The following MYL9 variants were observed in gnomAD, a reference collection of about 807,000 sequenced individuals.
The protein encoded by MYL9 is myosin light chain 9.
In MYL9, 7 loss-of-function variants were observed where a neutral mutation model predicts 12.8. The observed-to-expected ratio is 0.55, with a 90% CI of 0.31 to 1.03. The LOEUF is 1.03. MYL9 is among the 50% of genes least tolerant of loss of function. MYL9 has a pLI of 0.05. For synonymous variants in MYL9, 81 were observed against 87.8 expected (o/e 0.92, Z 0.43); for missense variants, 190 against 242.7 (o/e 0.78, Z 1.44).
chr20:36,545,738 G>T lies in MYL9; in HGVS notation c.184+670G>T, dbSNP rs563834337. 2.0e-5 allele frequency among the ~76,000 whole-genome samples: 3 copies of T among 151,996 alleles called. 1 individual carries two copies. The South Asian group carries it at 6.2e-4, about 32-fold the overall frequency. ...GAGGTCAGAAGATCGAGATCATCCT[G>T]GCTAACATGGTGAAACCCCGTCTCT... On this transcript the variant is annotated intron_variant, in intron 2 of 3. Coordinates refer to ENST00000279022, the MANE Select transcript of MYL9 (RefSeq NM_006097.5).
Position 36,544,897 on chromosome 20 carries a change from C to G in MYL9, c.13C>G (p.Arg5Gly). Reference sequence around the variant, plus strand: ...ACCAGAAGCCAAGATGTCCAGCAAGCGGGCCAAAGCCAAGACCACCAAGAA... The same window carrying G: ...ACCAGAAGCCAAGATGTCCAGCAAGGGGGCCAAAGCCAAGACCACCAAGAA... MSSK[R>G]AKAKTTKKRP... is the part of the protein sequence containing the mutation. The change falls in exon 2 of 4, where the codon CGG becomes GGG. Residue 5 changes from arginine to glycine, a missense_variant. Arg to Gly is a moderately radical substitution (Grantham distance 125). Transcript: ENST00000279022. 1 of 1,612,280 alleles carries G rather than the reference C, an allele frequency of 6.2e-7. No individual in the cohort carries two copies. Among genetic ancestry groups the G allele is most frequent in the Non-Finnish European group, 8.5e-7 (1 of 1,179,070 alleles).
chr20:36,549,421 C>G lies in MYL9; in HGVS notation c.*172C>G, dbSNP rs1215542018. 4 of 627,520 alleles carry G rather than the reference C, an allele frequency of 6.4e-6. No homozygotes were observed. In the African/African-American group the frequency reaches 7.4e-5, roughly 12 times the overall value. 38.9% of individuals were successfully genotyped at this position (627,520 alleles called of 1,614,324 possible). ...AGGAGAAGTGCGTGCCGAGCTGAGG[C>G]AGATGTTCCCACAGTGACCCCAGAG... On this transcript the variant is annotated 3_prime_UTR_variant, in exon 4 of 4. Transcript: ENST00000279022.
chr20:36,548,721 A>C (rs2038133064), intron 3 of MYL9, among the ~76,000 whole-genome samples: 1 of 152,154 alleles, frequency 6.6e-6, no homozygotes, highest in African/African-American at 2.4e-5. Context: ...GGAGAATGGG[A>C]ATCAGCACTG....
chr20:36,544,256 G>A (rs995614742), intron 1 of MYL9, among the ~76,000 whole-genome samples: 6 of 152,136 alleles, frequency 3.9e-5, no homozygotes, highest in African/African-American at 7.2e-5. Context: ...GTGGACAGGC[G>A]GGGGTTTGAC....
At chr20:36,543,724 G>A (rs770940212) in intron 1 of MYL9, among the ~76,000 whole-genome samples, 9 of 152,222 alleles carry the variant, frequency 5.9e-5, no homozygotes, top group Non-Finnish European at 1.2e-4. Context: ...GGGGATCTAT[G>A]CTGGCCCACA....
chr20:36,544,402 CCTCA>C (rs1417592189), intron 1 of MYL9, among the ~76,000 whole-genome samples: 1 of 152,098 alleles, frequency 6.6e-6, no homozygotes, highest in African/African-American at 2.4e-5. Context: ...CCAGGAGAGC[CCTCA>C]CTGACTCCCA....
At chr20:36,547,947 C>A in intron 2 of MYL9, 85 bp from the exon 3 acceptor site, 1 of 1,440,748 alleles carries the variant, frequency 6.9e-7, no homozygotes, top group Admixed American at 2.4e-5. Context: ...CGGTGAAGGG[C>A]AGGGGTGGGG....
At position 36,549,111 on chromosome 20, in the gene MYL9, C is replaced by T; in HGVS notation, c.381C>T (p.Leu127=). 2 of 1,613,508 alleles carry T rather than the reference C, an allele frequency of 1.2e-6. No homozygotes were observed. Among genetic ancestry groups the T allele is most frequent in the Non-Finnish European group, 1.7e-6 (2 of 1,179,948 alleles). The change falls in exon 4 of 4, where the codon CTC becomes CTT. Residue 127 remains leucine (L), a synonymous_variant. Coordinates refer to ENST00000279022, the MANE Select transcript of MYL9 (RefSeq NM_006097.5). ...FIHEDHLREL[L]TTMGDRFTDE... ...ATGAGGACCACCTCCGGGAGCTGCT[C>T]ACCACCATGGGTGACCGCTTCACAG...
intron 3 of MYL9, 106 bp downstream of exon 3, chr20:36,548,299 TTC>T (rs1401187305): frequency 7.1e-7 from 1 of 1,407,900 alleles, no homozygotes; most frequent in East Asian, 2.5e-5. Context: ...ATCTCCCAGG[TTC>T]TGTCACCAGA....
intron 2 of MYL9, among the ~76,000 whole-genome samples, chr20:36,546,148 T>C (rs557601357): frequency 6.6e-6 from 1 of 152,254 alleles, no homozygotes; most frequent in South Asian, 2.1e-4. Flanking sequence ...AATTCTCTAC[T>C]GCAGATGGGG....
rs2147900900 is a variant in MYL9 at position 36,550,843 on chromosome 20, C to G, written c.*1594C>G. The stretch of plus-strand genomic sequence containing the variant: ...ATAGTATCCCAAACTCAGTCCCAAA[C>G]ACATTCTCACCCCCGGCAGCAGGCT... On this transcript the variant is annotated 3_prime_UTR_variant, in exon 4 of 4. Transcript: ENST00000279022. The G allele has an allele frequency of 6.5e-6, 1 of 152,824 alleles. No individual in the cohort carries two copies. Among genetic ancestry groups the G allele is most frequent in the Non-Finnish European group, 1.5e-5 (1 of 68,468 alleles). The allele number at this position is 152,824 out of a possible 1,614,324, so 9.5% of individuals were successfully genotyped here. A position where few individuals can be genotyped will look rare whatever the true frequency, so the allele number is the denominator to read the frequency against.
At chr20:36,544,420 G>A (rs1036679036) in intron 1 of MYL9, among the ~76,000 whole-genome samples, 3 of 152,172 alleles carry the variant, frequency 2.0e-5, no homozygotes, top group African/African-American at 7.2e-5. Flanking sequence ...ACTCCCACGA[G>A]TGGACCCACC....
intron 2 of MYL9, among the ~76,000 whole-genome samples, chr20:36,546,201 A>G (rs998977125): frequency 6.6e-6 from 1 of 152,178 alleles, no homozygotes; most frequent in Non-Finnish European, 1.5e-5. Flanking sequence ...CCATGCCCCA[A>G]CCCACGGGCC....
chr20:36,549,592 A>G lies in MYL9; in HGVS notation c.*343A>G. On this transcript the variant is annotated 3_prime_UTR_variant, in exon 4 of 4. Coordinates refer to ENST00000279022, the MANE Select transcript of MYL9 (RefSeq NM_006097.5). The stretch of plus-strand genomic sequence containing the variant: ...AGGGAAGGGGCTCTGTGTGCCCCCC[A>G]GGAGGAAGAGGCCCTGAGTCCTGGG... The G allele has an allele frequency of 4.4e-6, 1 of 229,496 alleles. No homozygotes were observed. Among genetic ancestry groups the G allele is most frequent in the Non-Finnish European group, 8.7e-6 (1 of 115,028 alleles). 14.2% of individuals were successfully genotyped at this position (229,496 alleles called of 1,614,324 possible).
chr20:36,542,564 A>G (rs538408724), intron 1 of MYL9, among the ~76,000 whole-genome samples: 33 of 151,996 alleles, frequency 2.2e-4, no homozygotes, highest in African/African-American at 7.5e-4. Flanking sequence ...GGATACACAG[A>G]GCCCTTTCCC....
Position 36,548,297 on chromosome 20 carries a change from G to A in MYL9, c.346+104G>A. Reference sequence around the variant, plus strand: ...CAGAACAGACATCACCCATCTCCCAGGTTCTGTCACCAGAACTATAAAAGC... The same window carrying A: ...CAGAACAGACATCACCCATCTCCCAAGTTCTGTCACCAGAACTATAAAAGC... On this transcript the variant is annotated intron_variant, in intron 3 of 3. Transcript: ENST00000279022. 4 of 1,412,866 alleles carry A rather than the reference G, an allele frequency of 2.8e-6. No individual in the cohort carries two copies. The East Asian group carries it at 7.6e-5, about 27-fold the overall frequency. 87.5% of individuals were successfully genotyped at this position (1,412,866 alleles called of 1,614,324 possible). A position where few individuals can be genotyped will look rare whatever the true frequency, so the allele number is the denominator to read the frequency against.
chr20:36,546,696 G>A (rs2038104772), intron 2 of MYL9, among the ~76,000 whole-genome samples: 1 of 150,780 alleles, frequency 6.6e-6, no homozygotes, highest in African/African-American at 2.4e-5. Context: ...TGCAACCTCC[G>A]TCTCCCAGGT....
chr20:36,545,165 C>T (rs1188563871), intron 2 of MYL9, 97 bp downstream of exon 2: 1 of 1,365,432 alleles, frequency 7.3e-7, no homozygotes, highest in Non-Finnish European at 1.0e-6. Context: ...CGCGTGGTGT[C>T]CACCTTAGAG....
In MYL9 at chr20:36,549,478, A is replaced by C. The variant is rs1244277658; in HGVS notation, c.*229A>C. 2.1e-6 allele frequency: 1 copy of C among 485,426 alleles called. No individual in the cohort carries two copies. The highest frequency in any genetic ancestry group is 1.9e-5 in the African/African-American group (1 of 51,438). The allele number at this position is 485,426 out of a possible 1,614,324, so 30.1% of individuals were successfully genotyped here. On this transcript the variant is annotated 3_prime_UTR_variant, in exon 4 of 4. Coordinates refer to ENST00000279022, the MANE Select transcript of MYL9 (RefSeq NM_006097.5). Reference sequence around the variant, plus strand: ...GCTATAGTCTCTGACCCCTCCAAGGAAAGACCACCTTCTGGGGACATGGGC... The same window carrying C: ...GCTATAGTCTCTGACCCCTCCAAGGCAAGACCACCTTCTGGGGACATGGGC...
Sources: gnomAD v4.1 joint callset for allele counts (sites outside exome capture counted in the v4.1 genomes callset) on GRCh38, gnomAD v4.1.1 for gene constraint, MANE v1.5 for transcripts, NCBI Gene and HGNC (gene_info 2026-07-23, HGNC 2026-07-21) for gene names.